The following ZNF454 variants were observed in gnomAD, a reference collection of about 807,000 sequenced individuals.
ZNF454 encodes zinc finger protein 454.
A neutral mutation model predicts 48.2 loss-of-function variants in ZNF454; 30 were observed. The observed-to-expected ratio is 0.62, with a 90% CI of 0.47 to 0.84. ZNF454 has a LOEUF of 0.84. ZNF454 is among the 40% of genes least tolerant of loss of function. The pLI is 0.00. For missense variants in ZNF454, 510 were observed against 623.1 expected, an observed-to-expected ratio of 0.82 and a Z score of 1.93; for synonymous variants, 204 against 211.4, an observed-to-expected ratio of 0.97 and a Z score of 0.30.
At chr5:178,943,943 C>T (rs911784064) in intron 2 of ZNF454, among the ~76,000 whole-genome samples, 11 of 152,182 alleles carry the variant, frequency 7.2e-5, no homozygotes, top group Admixed American at 4.6e-4. Flanking sequence ...AGGAGAATGG[C>T]GTGAACCCAG....
rs769544871 is a variant in ZNF454, at chr5:178,942,788, A to G, written c.-4A>G. 2 of 1,613,908 alleles carry G rather than the reference A, an allele frequency of 1.2e-6. No individual in the cohort carries two copies. The highest frequency in any genetic ancestry group is 3.3e-5 in the Admixed American group (2 of 59,996). On this transcript the variant is annotated 5_prime_UTR_variant, in exon 2 of 5. Coordinates refer to ENST00000519564, the MANE Select transcript of ZNF454 (RefSeq NM_001178089.3). Reference sequence around the variant, plus strand: ...CCCTAAGAGGGCTCATCGGAGAAGAAAGAATGGCTGTCAGCCACCTGCCAA... The same window carrying G: ...CCCTAAGAGGGCTCATCGGAGAAGAGAGAATGGCTGTCAGCCACCTGCCAA...
the ZNF454 span, chr5:178,981,435 C>G: frequency 1.8e-6 from 1 of 552,250 alleles, no homozygotes. This position sits in a 1 kb window ranked among gnomAD's most constrained non-coding sequence, Gnocchi z 5.1. Context: ...CCATGGGAAG[C>G]GAGTCTGGTC....
chr5:178,956,896 G>C (rs925569301), intron 4 of ZNF454: 13 of 346,782 alleles, frequency 3.7e-5, no homozygotes, highest in African/African-American at 2.7e-4. Context: ...TTGTTTGTTT[G>C]TTTTTTTAGA....
intron 4 of ZNF454, among the ~76,000 whole-genome samples, chr5:178,959,901 G>A (rs894197993): frequency 4.0e-5 from 6 of 150,336 alleles, no homozygotes; most frequent in Admixed American, 6.7e-5. Flanking sequence ...CACCGTGCCC[G>A]GCCCCTTTTT....
At chr5:178,968,988 A>G (rs1417869789), downstream of ZNF454, 1 of 400,854 alleles carries the variant, frequency 2.5e-6, no homozygotes. Flanking sequence ...TTGGGTTTTC[A>G]TGAAATCAGT....
At chr5:178,986,179 A>G in the ZNF454 span, 4 of 1,614,028 alleles carry the variant, frequency 2.5e-6, no homozygotes, top group Non-Finnish European at 3.4e-6. Context: ...GGTGGGGCTG[A>G]TGAAGGGAGG....
At chr5:178,957,526 C>G (rs1404206934) in intron 4 of ZNF454, among the ~76,000 whole-genome samples, 1 of 152,096 alleles carries the variant, frequency 6.6e-6, no homozygotes, top group Non-Finnish European at 1.5e-5. Flanking sequence ...TCTCCTGCCT[C>G]AGCCTCCCGA....
intron 4 of ZNF454, among the ~76,000 whole-genome samples, chr5:178,957,118 G>A (rs1191943821): frequency 6.6e-6 from 1 of 151,904 alleles, no homozygotes; most frequent in Admixed American, 6.6e-5. Context: ...TCTTGACCTC[G>A]TGATCCGCCC....
the ZNF454 span, among the ~76,000 whole-genome samples, chr5:178,976,520 G>A: frequency 1.3e-5 from 2 of 152,140 alleles, no homozygotes; most frequent in African/African-American, 4.8e-5. Context: ...GCTCAGCTGT[G>A]GGGCTGGGTT....
At chr5:178,985,474 TG>T in the ZNF454 span, among the ~76,000 whole-genome samples, 3 of 150,106 alleles carry the variant, frequency 2.0e-5, no homozygotes, top group Admixed American at 1.3e-4. Flanking sequence ...GAGGCCGAGG[TG>T]GGCGGATCAC....
the ZNF454 span, chr5:178,981,572 G>T: frequency 3.8e-6 from 4 of 1,063,504 alleles, no homozygotes; most frequent in Non-Finnish European, 4.3e-6. This position sits in a 1 kb window ranked among gnomAD's most constrained non-coding sequence, Gnocchi z 5.1. Flanking sequence ...ACTGTTCACC[G>T]TGGACCCGGG....
the ZNF454 span, among the ~76,000 whole-genome samples, chr5:178,973,214 G>C: frequency 6.7e-6 from 1 of 150,174 alleles, no homozygotes; most frequent in Admixed American, 6.7e-5. Context: ...AGCTGAAGCA[G>C]CAAGACCACA....
At chr5:178,986,109 C>T in the ZNF454 span, 3 of 1,609,208 alleles carry the variant, frequency 1.9e-6, no homozygotes, top group Non-Finnish European at 2.5e-6. Context: ...TGCCCTGGCC[C>T]TTGGGAGCCT....
At chr5:178,987,050 C>G in the ZNF454 span, 2 of 1,502,638 alleles carry the variant, frequency 1.3e-6, no homozygotes, top group Non-Finnish European at 1.8e-6. Context: ...TGGGGAGGCC[C>G]CAGGGACCAG....
chr5:178,946,900 T>G lies in ZNF454; in HGVS notation c.164T>G (p.Leu55Arg), dbSNP rs1193718143. ...TTTTGTCTCCCCTTAAAAACAGGAC[T>G]CTTAGGACCCAAACCAGATACGTTT... ...ENYSNLVSLG[L>R]LGPKPDTFSQ... Residue 55 changes from leucine (L) to arginine (R), a missense_variant, in exon 4 of 5, where the codon CTC becomes CGC. Leu to Arg is a moderately radical substitution (Grantham distance 102, BLOSUM62 -2). Transcript: ENST00000519564. This position sits in a 1 kb window ranked among gnomAD's most constrained non-coding sequence, Gnocchi z 4.5. 1.9e-6 allele frequency: 3 copies of G among 1,613,744 alleles called. No individual in the cohort carries two copies. Among genetic ancestry groups the G allele is most frequent in the Non-Finnish European group, 2.5e-6 (3 of 1,179,892 alleles).
chr5:178,962,698 T>C (rs573546247), intron 4 of ZNF454, among the ~76,000 whole-genome samples: 1 of 151,914 alleles, frequency 6.6e-6, no homozygotes, highest in South Asian at 2.1e-4. Context: ...TCTTTTTCTA[T>C]TGTCTGTTTT....
At chr5:178,985,854 T>A in the ZNF454 span, 1 of 545,934 alleles carries the variant, frequency 1.8e-6, no homozygotes, top group Non-Finnish European at 3.4e-6. Context: ...CTTCAACTCT[T>A]GGGCTCAAGC....
chr5:178,950,774 GTATATTATGTCCTCT>G (rs1245014895), intron 4 of ZNF454, among the ~76,000 whole-genome samples: 4 of 150,838 alleles, frequency 2.7e-5, no homozygotes, highest in African/African-American at 9.8e-5. Flanking sequence ...TTTTAATATT[GTATATTATGTCCTCT>G]TATTTCCAAT....
chr5:178,970,892 GC>G (rs1760224265), downstream of ZNF454, among the ~76,000 whole-genome samples: 1 of 152,186 alleles, frequency 6.6e-6, no homozygotes, highest in South Asian at 2.1e-4. Context: ...TCTGTAGCCA[GC>G]CTGGCCCGAG....
Sources: gnomAD v4.1 joint callset for allele counts (sites outside exome capture counted in the v4.1 genomes callset) on GRCh38, gnomAD v4.1.1 for gene constraint, Gnocchi (gnomAD v3.1) non-coding constraint, MANE v1.5 for transcripts, NCBI Gene and HGNC (gene_info 2026-07-23, HGNC 2026-07-21) for gene names.